The following PTPDC1 variants were observed in gnomAD, a reference collection of about 807,000 sequenced individuals.
PTPDC1 encodes the protein protein tyrosine phosphatase domain-containing protein 1.
Under a neutral mutation model 75.3 loss-of-function variants are expected in PTPDC1, and 53 were observed. The ratio of observed to expected loss-of-function variants is 0.70; its 90% CI spans 0.56 to 0.88. The LOEUF (loss-of-function observed/expected upper bound fraction) is 0.88, where lower values mean the gene tolerates loss of function less well. PTPDC1 is among the 40% of genes least tolerant of loss of function. The pLI, the probability that PTPDC1 is intolerant of heterozygous loss-of-function variation, is 0.00. For missense variants in PTPDC1, 925 were observed against 998.6 expected (o/e 0.93, Z 0.99); for synonymous variants, 349 against 366.2 (o/e 0.95, Z 0.54).
chr9:94,097,448 T>C lies in PTPDC1; in HGVS notation c.882T>C (p.Phe294=). ...TRGQLLCVRE[F]TQFLTPLRNI... is the part of the protein sequence containing the mutation. The stretch of plus-strand genomic sequence containing the variant: ...GACAGCTCCTCTGTGTAAGGGAATT[T>C]ACTCAGTTTCTAACTCCTCTCCGCA... The change falls in exon 6 of 9, where the codon TTT becomes TTC. Residue 294 remains phenylalanine (F), a synonymous_variant. Transcript: ENST00000620992. 1 of 1,614,188 alleles carries C rather than the reference T, an allele frequency of 6.2e-7. No homozygotes were observed.
intron 7 of PTPDC1, among the ~76,000 whole-genome samples, chr9:94,102,263 G>A (rs1402246187): frequency 5.3e-5 from 8 of 151,778 alleles, no homozygotes; most frequent in African/African-American, 1.5e-4. Context: ...GCACTCATTC[G>A]TATTTTTAAA....
At chr9:94,057,929 T>C (rs557188791) in intron 1 of PTPDC1, among the ~76,000 whole-genome samples, 1 of 152,208 alleles carries the variant, frequency 6.6e-6, no homozygotes, top group South Asian at 2.1e-4. Context: ...TTAATACCCT[T>C]CTGCCTAAAA....
At position 94,098,119 on chromosome 9, in the gene PTPDC1, T is replaced by C; in HGVS notation, c.1553T>C (p.Leu518Pro). Residue 518 changes from leucine to proline, a missense_variant, in exon 6 of 9, where the codon CTG (leucine) becomes CCG (proline). Physicochemically the swap from Leu to Pro is moderately conservative, Grantham distance 98. Coordinates refer to ENST00000620992, the MANE Select transcript of PTPDC1 (RefSeq NM_001253829.2). ...SFWSQSKFGG[L>P]EGLKDNGSPI... Reference sequence around the variant, plus strand: ...TGGAGTCAGTCAAAGTTTGGAGGCCTGGAAGGACTCAAAGATAATGGGTCA... The same window carrying C: ...TGGAGTCAGTCAAAGTTTGGAGGCCCGGAAGGACTCAAAGATAATGGGTCA... 1 of 1,614,204 alleles carries C rather than the reference T, an allele frequency of 6.2e-7. No individual in the cohort carries two copies.
intron 2 of PTPDC1, among the ~76,000 whole-genome samples, chr9:94,087,321 G>A (rs904555138): frequency 3.9e-5 from 6 of 151,944 alleles, no homozygotes; most frequent in Admixed American, 2.6e-4. Context: ...ATTCTTACAC[G>A]GGTGCACCAA....
chr9:94,048,749 C>G (rs1450692474), intron 1 of PTPDC1, among the ~76,000 whole-genome samples: 1 of 152,142 alleles, frequency 6.6e-6, no homozygotes, highest in Non-Finnish European at 1.5e-5. Flanking sequence ...AGTTCAATTC[C>G]TGGATATCCT....
chr9:94,095,671 C>G (rs1268690936), intron 5 of PTPDC1, among the ~76,000 whole-genome samples: 1 of 152,050 alleles, frequency 6.6e-6, no homozygotes, highest in Non-Finnish European at 1.5e-5. Context: ...ATTGAATGTT[C>G]CCAACACAAA....
At chr9:94,096,128 T>A (rs1481041241) in intron 5 of PTPDC1, among the ~76,000 whole-genome samples, 1 of 152,182 alleles carries the variant, frequency 6.6e-6, no homozygotes, top group African/African-American at 2.4e-5. Context: ...GTGCTGATAT[T>A]GGGGCAAAAA....
intron 1 of PTPDC1, among the ~76,000 whole-genome samples, chr9:94,040,069 G>T (rs891123966): frequency 1.3e-5 from 2 of 152,086 alleles, no homozygotes; most frequent in Non-Finnish European, 2.9e-5. Flanking sequence ...GCAGAAAGAA[G>T]GAGCAAAAAA....
intron 8 of PTPDC1, among the ~76,000 whole-genome samples, 192 bp downstream of exon 8, chr9:94,104,577 A>G (rs1355260151): frequency 6.6e-6 from 1 of 152,256 alleles, no homozygotes; most frequent in Non-Finnish European, 1.5e-5. Context: ...CCAAACAATG[A>G]TCTTAGGAAA....
chr9:94,087,962 C>T (rs538675297), intron 3 of PTPDC1, 51 bp downstream of exon 3: 2 of 1,524,952 alleles, frequency 1.3e-6, no homozygotes, highest in African/African-American at 1.4e-5. Flanking sequence ...GTGTTTTTTT[C>T]TTTCATTGCC....
intron 1 of PTPDC1, among the ~76,000 whole-genome samples, chr9:94,061,252 G>T (rs1162649041): frequency 2.0e-5 from 3 of 152,206 alleles, no homozygotes; most frequent in Non-Finnish European, 4.4e-5. Flanking sequence ...GATGCAAAGG[G>T]TGGGCTCCCA....
intron 2 of PTPDC1, among the ~76,000 whole-genome samples, chr9:94,068,867 C>T (rs1323585807): frequency 6.6e-6 from 1 of 152,122 alleles, no homozygotes; most frequent in African/African-American, 2.4e-5. Flanking sequence ...ATTTATTTAG[C>T]GTGGATTCCT....
intron 1 of PTPDC1, among the ~76,000 whole-genome samples, chr9:94,057,712 T>C (rs1825989521): frequency 1.3e-5 from 2 of 152,190 alleles, no homozygotes. Flanking sequence ...AACACAGAAT[T>C]TCTGATTCTA....
intron 1 of PTPDC1, among the ~76,000 whole-genome samples, chr9:94,063,810 T>A (rs1030798108): frequency 6.6e-6 from 1 of 152,198 alleles, no homozygotes; most frequent in Non-Finnish European, 1.5e-5. Context: ...TACAAGAATT[T>A]CAACAAGTTT....
At chr9:94,091,396 C>T (rs1046432531) in intron 4 of PTPDC1, among the ~76,000 whole-genome samples, 11 of 151,840 alleles carry the variant, frequency 7.2e-5, no homozygotes, top group Non-Finnish European at 8.8e-5. Context: ...TATTGATTTG[C>T]GTATATTGAA....
chr9:94,044,744 T>C (rs1825536458), intron 1 of PTPDC1, among the ~76,000 whole-genome samples: 3 of 151,740 alleles, frequency 2.0e-5, no homozygotes, highest in Admixed American at 2.0e-4. Context: ...TTTTGTCTTA[T>C]TACACTTAGC....
intron 4 of PTPDC1, among the ~76,000 whole-genome samples, chr9:94,092,186 T>C (rs1827351221): frequency 6.6e-6 from 1 of 151,376 alleles, no homozygotes; most frequent in South Asian, 2.1e-4. Context: ...AGGTTGTCAA[T>C]TTTGGATCTT....
chr9:94,033,814 A>AT (rs1354258353), intron 1 of PTPDC1, among the ~76,000 whole-genome samples: 1 of 152,226 alleles, frequency 6.6e-6, no homozygotes, highest in East Asian at 1.9e-4. Flanking sequence ...AAAAAAATTC[A>AT]TAAAAAAAAT....
intron 8 of PTPDC1, among the ~76,000 whole-genome samples, chr9:94,104,666 G>A (rs1388290963): frequency 1.3e-5 from 2 of 152,222 alleles, no homozygotes; most frequent in Non-Finnish European, 2.9e-5. Context: ...ACAACTGAGT[G>A]TTGAATACAT....
Sources: gnomAD v4.1 joint callset for allele counts (sites outside exome capture counted in the v4.1 genomes callset) on GRCh38, gnomAD v4.1.1 for gene constraint, MANE v1.5 for transcripts, NCBI Gene and HGNC (gene_info 2026-07-23, HGNC 2026-07-21) for gene names.